KIF26B: variants seen among roughly 807,000 people sequenced by gnomAD.
KIF26B encodes kinesin family member 26B.
KIF26B carries 63 observed loss-of-function variants against 151.2 expected under a neutral mutation model. The ratio of observed to expected loss-of-function variants is 0.42; its 90% CI spans 0.34 to 0.51. The LOEUF (loss-of-function observed/expected upper bound fraction) is 0.51, where lower values mean the gene tolerates loss of function less well. Among genes scored for constraint, KIF26B ranks in the 20% least tolerant of loss-of-function variants. KIF26B has a pLI of 0.07. For synonymous variants in KIF26B, 1,357 were observed against 1,262.1 expected (o/e 1.08, Z -1.59); for missense variants, 2,813 against 2,913.6 (o/e 0.97, Z 0.79).
chr1:245,305,184 T>C (rs909540437), intron 2 of KIF26B, among the ~76,000 whole-genome samples: 1 of 152,194 alleles, frequency 6.6e-6, no homozygotes. Flanking sequence ...AAGAGTATGC[T>C]GACAAAATAT....
In KIF26B at chr1:245,324,026, T is replaced by C. The variant is rs11576119; in HGVS notation, c.466-42808T>C. Among the ~76,000 whole-genome samples the C allele has an allele frequency of 1.7e-3, 190 of 112,724 alleles. 11 individuals are homozygous for C. Among genetic ancestry groups the C allele is most frequent in the African/African-American group, 6.8e-3 (178 of 26,012 alleles). 74.0% of individuals were successfully genotyped at this position (112,724 alleles called of 152,430 possible). A position where few individuals can be genotyped will look rare whatever the true frequency, so the allele number is the denominator to read the frequency against. On this transcript the variant is annotated intron_variant, in intron 2 of 14. Transcript: ENST00000407071. ...TTGGTGTGGACTCTGCCAGGGGTGG[T>C]TGGAGGTGGAGGTGGGGTGGACCCT...
At chr1:245,207,636 T>C (rs1669433589) in intron 2 of KIF26B, among the ~76,000 whole-genome samples, 1 of 152,128 alleles carries the variant, frequency 6.6e-6, no homozygotes. Flanking sequence ...GGAAGAAACA[T>C]GATAGAATTT....
In KIF26B at chr1:245,686,317, G is replaced by A. The variant is rs781747954; in HGVS notation, c.3334G>A (p.Gly1112Ser). 21 of 1,613,140 alleles carry A rather than the reference G, an allele frequency of 1.3e-5. 1 individual carries two copies. The highest frequency in any genetic ancestry group is 2.2e-5 in the East Asian group (1 of 44,868). The change falls in exon 12 of 15, where the codon GGC becomes AGC. Residue 1112 changes from glycine to serine, a missense_variant. This residue lies in a region of KIF26B where 2,060 missense variants were observed against 2,088.6 expected (regional missense o/e 0.99). Coordinates refer to ENST00000407071, the MANE Select transcript of KIF26B (RefSeq NM_018012.4). The surrounding 1 kb of genome is among the most constrained non-coding windows in gnomAD (Gnocchi z 5.6). ...ACTGCCTCCCTCGAGCAAGGATTCC[G>A]GCGTGGCGTCTAGGGAGTCCTTGCT... ...APLPPSSKDS[G>S]VASRESLLQP...
Position 245,367,129 on chromosome 1 carries a change from C to A in KIF26B, c.761C>A (p.Thr254Asn), listed in dbSNP as rs1227113484. The A allele has an allele frequency of 3.1e-6, 5 of 1,598,354 alleles. No individual in the cohort carries two copies. The African/African-American group carries it at 6.7e-5, about 21-fold the overall frequency. Residue 254 changes from threonine to asparagine, a missense_variant, in exon 3 of 15, where the codon ACC (threonine) becomes AAC (asparagine). Thr to Asn is a moderately conservative substitution (Grantham distance 65). This residue lies in a region of KIF26B where 676 missense variants were observed against 688.1 expected (regional missense o/e 0.98). Coordinates refer to ENST00000407071, the MANE Select transcript of KIF26B (RefSeq NM_018012.4). This position sits in a 1 kb window ranked among gnomAD's most constrained non-coding sequence, Gnocchi z 4.2. ...DWAFVPAPCA[T>N]SNYTGFANKH... ...GCCTTTGTGCCCGCCCCCTGTGCCA[C>A]CTCCAACTACACAGGCTTCGCCAAC... is the stretch of plus-strand genomic sequence containing the variant.
chr1:245,397,356 C>T (rs745555112), intron 3 of KIF26B, among the ~76,000 whole-genome samples: 1 of 151,708 alleles, frequency 6.6e-6, no homozygotes, highest in Non-Finnish European at 1.5e-5. Flanking sequence ...GCTGGGATTA[C>T]AGGCATGCAC....
At chr1:245,344,212 CCT>C (rs1007617827) in intron 2 of KIF26B, among the ~76,000 whole-genome samples, 3 of 151,120 alleles carry the variant, frequency 2.0e-5, no homozygotes, top group Admixed American at 6.6e-5. Flanking sequence ...TTTTTCTCTC[CCT>C]GTTTCTCTGT....
intron 6 of KIF26B, among the ~76,000 whole-genome samples, chr1:245,605,405 G>C (rs1426780812): frequency 6.6e-6 from 1 of 152,230 alleles, no homozygotes; most frequent in Non-Finnish European, 1.5e-5. Context: ...AGCCTGTGAA[G>C]CCGCAGCCAC....
chr1:245,417,396 T>C (rs1380641153), intron 3 of KIF26B, among the ~76,000 whole-genome samples: 2 of 152,142 alleles, frequency 1.3e-5, no homozygotes, highest in African/African-American at 4.8e-5. Context: ...TAGATACAAA[T>C]TGGCTTGGGC....
At chr1:245,312,769 C>T (rs984967899) in intron 2 of KIF26B, among the ~76,000 whole-genome samples, 1 of 152,150 alleles carries the variant, frequency 6.6e-6, no homozygotes, top group East Asian at 1.9e-4. Flanking sequence ...TGGATCAATG[C>T]TCTTTCTACC....
At chr1:245,444,914 C>T (rs981977989) in intron 4 of KIF26B, among the ~76,000 whole-genome samples, 20 of 152,064 alleles carry the variant, frequency 1.3e-4, no homozygotes, top group Admixed American at 1.3e-4. Context: ...AATTATATAG[C>T]GTATAAACCC....
intron 2 of KIF26B, among the ~76,000 whole-genome samples, chr1:245,256,929 C>T (rs957109715): frequency 5.9e-5 from 9 of 152,176 alleles, no homozygotes; most frequent in African/African-American, 2.2e-4. Flanking sequence ...TGTGGAGAAT[C>T]TCCTTCCCTT....
chr1:245,702,520 ACGGAGCGCC>A lies in KIF26B; in HGVS notation c.6242_6250del (p.Thr2081_Leu2084delinsMet), dbSNP rs1361750711. 6.2e-7 allele frequency: 1 copy of A among 1,613,746 alleles called. No homozygotes were observed. Among genetic ancestry groups the A allele is most frequent in the African/African-American group, 1.3e-5 (1 of 74,872 alleles). On this transcript the variant is annotated inframe_deletion, in exon 15 of 15. Coordinates refer to ENST00000407071, the MANE Select transcript of KIF26B (RefSeq NM_018012.4). The surrounding 1 kb of genome is among the most constrained non-coding windows in gnomAD (Gnocchi z 4.1). ...GTACCTGGAGGCACTGGAGTGTGTG[ACGGAGCGCC>A]TGGAGAGCCGTGTCAACTTCTGCAA...
intron 2 of KIF26B, among the ~76,000 whole-genome samples, chr1:245,249,633 C>A (rs1670406403): frequency 6.6e-6 from 1 of 151,878 alleles, no homozygotes; most frequent in African/African-American, 2.4e-5. Flanking sequence ...CAGGTGCCCA[C>A]CACCACGCCT....
intron 4 of KIF26B, among the ~76,000 whole-genome samples, chr1:245,474,697 G>GCGTTC (rs1238718736): frequency 2.6e-5 from 4 of 151,942 alleles, no homozygotes; most frequent in African/African-American, 9.6e-5. Flanking sequence ...ACAGACGTGA[G>GCGTTC]CCACCGCACG....
rs1488303310 is a variant in KIF26B, at chr1:245,167,024, C to T, written c.465+10341C>T. The stretch of plus-strand genomic sequence containing the variant: ...GTCTTAAGTGTTATAGACCAGGTTA[C>T]AGCTGAGGGACTATTTTGATTTTCC... On this transcript the variant is annotated intron_variant, in intron 2 of 14. Transcript: ENST00000407071. This position sits in a 1 kb window ranked among gnomAD's most constrained non-coding sequence, Gnocchi z 4.2. 6.6e-6 allele frequency among the ~76,000 whole-genome samples: 1 copy of T among 152,216 alleles called. No individual in the cohort carries two copies. The highest frequency in any genetic ancestry group is 1.9e-4 in the East Asian group (1 of 5,200).
intron 5 of KIF26B, among the ~76,000 whole-genome samples, chr1:245,589,984 C>G (rs1394903394): frequency 6.6e-6 from 1 of 152,236 alleles, no homozygotes; most frequent in African/African-American, 2.4e-5. Context: ...CATCTCTGTG[C>G]TGACAGACGA....
intron 9 of KIF26B, among the ~76,000 whole-genome samples, chr1:245,615,886 G>C (rs1477370624): frequency 1.3e-5 from 2 of 152,138 alleles, no homozygotes; most frequent in Non-Finnish European, 2.9e-5. Flanking sequence ...AGATTTGGAG[G>C]GTTGTTTAAA....
intron 4 of KIF26B, among the ~76,000 whole-genome samples, chr1:245,461,788 A>T (rs1231478190): frequency 6.6e-6 from 1 of 152,156 alleles, no homozygotes; most frequent in Non-Finnish European, 1.5e-5. Context: ...TTGCCGACAG[A>T]ATGCAGATAT....
intron 5 of KIF26B, among the ~76,000 whole-genome samples, chr1:245,590,690 T>C (rs2043278591): frequency 1.3e-5 from 2 of 152,126 alleles, no homozygotes; most frequent in African/African-American, 4.8e-5. Context: ...GGAGGATCAC[T>C]TGAGTCCAGG....
Sources: allele counts gnomAD v4.1 joint callset (sites outside exome capture counted in the v4.1 genomes callset), GRCh38; gene constraint gnomAD v4.1.1; regional missense constraint gnomAD v4.1.1; non-coding constraint Gnocchi (gnomAD v3.1); transcripts MANE v1.5; gene names NCBI Gene and HGNC (gene_info 2026-07-23, HGNC 2026-07-21).